TENM2: variants seen among roughly 807,000 people sequenced by gnomAD.
TENM2 encodes teneurin transmembrane protein 2.
A neutral mutation model predicts 245.2 loss-of-function variants in TENM2; 52 were observed. The ratio of observed to expected loss-of-function variants is 0.21; its 90% CI spans 0.17 to 0.27. TENM2 has a LOEUF of 0.27. Ranked by LOEUF, TENM2 falls within the 10% of genes least tolerant of loss-of-function variation. The pLI is 1.00. For synonymous variants in TENM2, 1,363 were observed against 1,438.9 expected (o/e 0.95, Z 1.19); for missense variants, 3,046 against 3,666.8 (o/e 0.83, Z 4.37).
chr5:168,162,653 T>G, exon 13 of TENM2: 1 of 1,613,974 alleles, frequency 6.2e-7, no homozygotes, highest in Non-Finnish European at 8.5e-7. Flanking sequence ...AGATGCACAC[T>G]GGGTCAGAAC....
chr5:167,863,000 A>G (rs1189772854), intron 2 of TENM2, among the ~76,000 whole-genome samples: 4 of 152,190 alleles, frequency 2.6e-5, no homozygotes, highest in African/African-American at 2.4e-5. Flanking sequence ...CATCTCCAAC[A>G]TTGCAATGAC....
chr5:167,167,109 G>C, the TENM2 span, among the ~76,000 whole-genome samples: 1 of 152,132 alleles, frequency 6.6e-6, no homozygotes, highest in East Asian at 1.9e-4. Flanking sequence ...TAGGGAGGTA[G>C]AATGACAATC....
intron 2 of TENM2, among the ~76,000 whole-genome samples, chr5:167,431,531 A>G (rs192053853): frequency 6.2e-4 from 95 of 152,292 alleles, no homozygotes; most frequent in African/African-American, 2.2e-3. Flanking sequence ...AGGAAATTTA[A>G]GACAGTTGTT....
chr5:167,543,234 C>A (rs1562041545), intron 2 of TENM2, among the ~76,000 whole-genome samples: 1 of 152,104 alleles, frequency 6.6e-6, no homozygotes, highest in African/African-American at 2.4e-5. Flanking sequence ...AACGGTGGTA[C>A]CACATTCCAT....
At chr5:167,768,786 G>A (rs976185582) in intron 2 of TENM2, among the ~76,000 whole-genome samples, 4 of 152,178 alleles carry the variant, frequency 2.6e-5, no homozygotes, top group Non-Finnish European at 5.9e-5. Context: ...GATAATAAAT[G>A]TAAAGCTCTT....
intron 2 of TENM2, among the ~76,000 whole-genome samples, chr5:167,665,641 T>C (rs1315978175): frequency 6.6e-6 from 1 of 152,218 alleles, no homozygotes; most frequent in Admixed American, 6.5e-5. Context: ...TTCTGTATTT[T>C]ACCCTTACAT....
intron 2 of TENM2, among the ~76,000 whole-genome samples, chr5:167,561,320 A>G (rs1234454362): frequency 6.6e-6 from 1 of 152,228 alleles, no homozygotes; most frequent in African/African-American, 2.4e-5. Context: ...AAACATCATA[A>G]GTGAAAGGAT....
intron 2 of TENM2, among the ~76,000 whole-genome samples, chr5:167,869,445 GTC>G (rs1772622489): frequency 6.6e-6 from 1 of 152,222 alleles, no homozygotes; most frequent in Admixed American, 6.5e-5. Context: ...ACGTCCCAGA[GTC>G]TCTATACTTG....
At chr5:167,894,287 T>C (rs78159819) in intron 3 of TENM2, among the ~76,000 whole-genome samples, 3,682 of 152,304 alleles carry the variant, frequency 0.024, 92 homozygotes, top group African/African-American at 0.062. Context: ...ATACAGAGTA[T>C]AGGGCAAGGT....
At chr5:168,082,530 T>C (rs1024987689) in intron 7 of TENM2, among the ~76,000 whole-genome samples, 3 of 152,350 alleles carry the variant, frequency 2.0e-5, no homozygotes, top group Admixed American at 2.0e-4. Context: ...TTTTAGAATT[T>C]TCAGCTTTTC....
At chr5:167,564,229 T>G (rs563816087) in intron 2 of TENM2, among the ~76,000 whole-genome samples, 51 of 152,102 alleles carry the variant, frequency 3.4e-4, no homozygotes, top group Non-Finnish European at 6.5e-4. Context: ...GGGCAAGCCC[T>G]GCTGAGAAAA....
At chr5:167,737,286 AG>A (rs1303569576) in intron 2 of TENM2, among the ~76,000 whole-genome samples, 2 of 152,122 alleles carry the variant, frequency 1.3e-5, no homozygotes, top group African/African-American at 4.8e-5. Context: ...CTCATCAACA[AG>A]TTTCTCTGGG....
chr5:168,019,095 A>G (rs1785918454), intron 5 of TENM2, among the ~76,000 whole-genome samples: 1 of 152,096 alleles, frequency 6.6e-6, no homozygotes, highest in Admixed American at 6.5e-5. Flanking sequence ...CCTTTCAGGA[A>G]TAAGAACACC....
At chr5:167,029,024 A>G in the TENM2 span, among the ~76,000 whole-genome samples, 5 of 152,364 alleles carry the variant, frequency 3.3e-5, no homozygotes, top group African/African-American at 1.2e-4. Flanking sequence ...TCTGAAAAGC[A>G]TTAAACTTCT....
chr5:167,475,383 G>T (rs1165605260), intron 2 of TENM2, among the ~76,000 whole-genome samples: 1 of 151,916 alleles, frequency 6.6e-6, no homozygotes, highest in Non-Finnish European at 1.5e-5. Flanking sequence ...GAGAAATCAT[G>T]AAAATATTTT....
intron 13 of TENM2, among the ~76,000 whole-genome samples, chr5:168,189,796 C>T (rs1386027836): frequency 1.3e-5 from 2 of 152,054 alleles, no homozygotes; most frequent in Non-Finnish European, 2.9e-5. Flanking sequence ...CTAATAGAGA[C>T]AGGGTCTCAC....
chr5:168,224,624 C>T (rs1763990503), intron 23 of TENM2, among the ~76,000 whole-genome samples: 1 of 152,176 alleles, frequency 6.6e-6, no homozygotes, highest in Non-Finnish European at 1.5e-5. Context: ...CCACAGGGAT[C>T]CTTCTCTGAG....
At chr5:168,076,303 G>A (rs1791471802) in intron 7 of TENM2, among the ~76,000 whole-genome samples, 1 of 150,888 alleles carries the variant, frequency 6.6e-6, no homozygotes, top group Non-Finnish European at 1.5e-5. Flanking sequence ...TCGGCTCACT[G>A]CAACCTCTGC....
chr5:167,518,427 G>A (rs987528172), intron 2 of TENM2, among the ~76,000 whole-genome samples: 8 of 152,236 alleles, frequency 5.3e-5, no homozygotes, highest in Middle Eastern at 3.4e-3. Context: ...ACTGAAAGTA[G>A]ACTAATGTCC....
Sources: allele counts gnomAD v4.1 joint callset (sites outside exome capture counted in the v4.1 genomes callset), GRCh38; gene constraint gnomAD v4.1.1; transcripts MANE v1.5; gene names NCBI Gene and HGNC (gene_info 2026-07-23, HGNC 2026-07-21).